NLGN4X: variants seen among roughly 807,000 people sequenced by gnomAD.
NLGN4X encodes the protein neuroligin 4 X-linked.
NLGN4X carries 3 observed loss-of-function variants against 40.3 expected under a neutral mutation model. The observed-to-expected ratio is 0.07, with a 90% CI of 0.03 to 0.19. The LOEUF (loss-of-function observed/expected upper bound fraction) is 0.19, where lower values mean the gene tolerates loss of function less well. NLGN4X is among the 10% of genes least tolerant of loss of function. The pLI, the probability that NLGN4X is intolerant of heterozygous loss-of-function variation, is 1.00. For missense variants in NLGN4X, 382 were observed against 708.3 expected, an observed-to-expected ratio of 0.54 and a Z score of 5.23; for synonymous variants, 270 against 306.8, an observed-to-expected ratio of 0.88 and a Z score of 1.25.
At chrX:6,170,723 G>A (rs147497791) in intron 1 of NLGN4X, among the ~76,000 whole-genome samples, 1 of 111,937 alleles carries the variant, frequency 8.9e-6, no homozygotes, top group African/African-American at 3.2e-5. Flanking sequence ...TATGCTCTAT[G>A]ATATTTCTAA....
intron 3 of NLGN4X, among the ~76,000 whole-genome samples, chrX:5,959,943 T>C (rs1882259): frequency 0.3 from 33,470 of 110,181 alleles, 4,592 homozygotes; most frequent in Middle Eastern, 0.57. Context: ...CCTGAGTTAA[T>C]TGGCACTGTA....
chrX:5,955,006 T>C (rs1030313267), intron 3 of NLGN4X, among the ~76,000 whole-genome samples: 118 of 112,135 alleles, frequency 1.1e-3, no homozygotes, highest in African/African-American at 3.5e-3. Context: ...CTCTTGAAAT[T>C]GATGAAAGTG....
At chrX:6,095,205 G>A in intron 2 of NLGN4X, among the ~76,000 whole-genome samples, 1 of 108,075 alleles carries the variant, frequency 9.3e-6, no homozygotes, top group African/African-American at 3.4e-5. Flanking sequence ...CCAGCTTTGG[G>A]TAGACTCTAC....
At chrX:5,970,765 T>G (rs867742147) in intron 3 of NLGN4X, among the ~76,000 whole-genome samples, 4 of 112,077 alleles carry the variant, frequency 3.6e-5, no homozygotes, top group Admixed American at 9.5e-5. Context: ...GATACAGTGT[T>G]GTACCAATCA....
intron 1 of NLGN4X, among the ~76,000 whole-genome samples, chrX:6,211,751 G>A (rs986221587): frequency 4.5e-5 from 5 of 111,912 alleles, no homozygotes; most frequent in African/African-American, 9.7e-5. Context: ...AGGTAAACAC[G>A]TAGATGTAGA....
At chrX:6,018,164 A>G (rs753352319) in intron 3 of NLGN4X, among the ~76,000 whole-genome samples, 1 of 107,708 alleles carries the variant, frequency 9.3e-6, no homozygotes, top group Non-Finnish European at 1.9e-5. Context: ...GTATGTACAC[A>G]TATATGTATG....
At chrX:6,178,456 T>C (rs1183524520) in intron 1 of NLGN4X, among the ~76,000 whole-genome samples, 3 of 111,714 alleles carry the variant, frequency 2.7e-5, no homozygotes, top group African/African-American at 9.8e-5. Flanking sequence ...TTGTAATCAG[T>C]GGACAAGGCA....
chrX:5,985,754 G>T (rs1000683895), intron 3 of NLGN4X, among the ~76,000 whole-genome samples: 2 of 111,865 alleles, frequency 1.8e-5, no homozygotes, highest in Admixed American at 1.9e-4. Flanking sequence ...ACGCTATGTA[G>T]AAAAGACTCA....
intron 3 of NLGN4X, among the ~76,000 whole-genome samples, chrX:5,939,441 C>T (rs2033845453): frequency 9.0e-6 from 1 of 111,014 alleles, no homozygotes; most frequent in African/African-American, 3.3e-5. Context: ...AGGGTTAATG[C>T]TAATGTGCAC....
chrX:5,914,311 C>T (rs1338973544), intron 3 of NLGN4X, among the ~76,000 whole-genome samples: 1 of 111,789 alleles, frequency 8.9e-6, no homozygotes, highest in Non-Finnish European at 1.9e-5. Context: ...TTTTGAATTA[C>T]ATCACAGGGC....
intron 1 of NLGN4X, among the ~76,000 whole-genome samples, chrX:6,171,559 T>C (rs896978407): frequency 6.3e-5 from 7 of 111,988 alleles, no homozygotes; most frequent in African/African-American, 2.3e-4. Flanking sequence ...CAAGAAAGGG[T>C]GCACAAAAGG....
At chrX:6,148,828 G>A (rs1322881705) in intron 2 of NLGN4X, among the ~76,000 whole-genome samples, 4 of 111,631 alleles carry the variant, frequency 3.6e-5, no homozygotes, top group Non-Finnish European at 7.5e-5. Flanking sequence ...CTGGTTCTTC[G>A]TTGATAGAGT....
At chrX:5,928,822 G>A (rs1221640009) in intron 3 of NLGN4X, among the ~76,000 whole-genome samples, 1 of 108,058 alleles carries the variant, frequency 9.3e-6, no homozygotes, top group Non-Finnish European at 1.9e-5. Context: ...CTGTCATACA[G>A]TTATAGAAAG....
At chrX:6,064,925 A>G (rs1415103874) in intron 2 of NLGN4X, among the ~76,000 whole-genome samples, 1 of 111,484 alleles carries the variant, frequency 9.0e-6, no homozygotes, top group African/African-American at 3.3e-5. Context: ...ATGGAATACT[A>G]TATAGCCATA....
chrX:6,054,691 T>A (rs770998787), intron 2 of NLGN4X, among the ~76,000 whole-genome samples: 1 of 111,088 alleles, frequency 9.0e-6, no homozygotes, highest in Non-Finnish European at 1.9e-5. Context: ...GTTTTTTGCT[T>A]GTTTTGCCCA....
At chrX:5,979,810 A>G (rs372977901) in intron 3 of NLGN4X, among the ~76,000 whole-genome samples, 1 of 103,267 alleles carries the variant, frequency 9.7e-6, no homozygotes, top group African/African-American at 3.7e-5. Context: ...ATACATATAT[A>G]TGTGTATATA....
At chrX:5,901,419 T>C (rs868774406) in intron 5 of NLGN4X, among the ~76,000 whole-genome samples, 5 of 111,576 alleles carry the variant, frequency 4.5e-5, no homozygotes, top group Middle Eastern at 9.2e-3. Context: ...CACACACTGG[T>C]AGAACAGAAT....
chrX:6,225,011 T>TATATATATATATAC (rs1461463258), intron 1 of NLGN4X, among the ~76,000 whole-genome samples: 5 of 49,537 alleles, frequency 1.0e-4, no homozygotes, highest in African/African-American at 3.7e-4. Flanking sequence ...TATATATATA[T>TATATATATATATAC]ACACACACAC....
intron 2 of NLGN4X, among the ~76,000 whole-genome samples, chrX:6,041,240 C>G (rs2037148776): frequency 8.9e-6 from 1 of 111,776 alleles, no homozygotes; most frequent in Admixed American, 9.5e-5. Flanking sequence ...TGACTCTAGA[C>G]TGAAGAGCCT....
Sources: allele counts gnomAD v4.1 joint callset (sites outside exome capture counted in the v4.1 genomes callset), GRCh38; gene constraint gnomAD v4.1.1; transcripts MANE v1.5; gene names NCBI Gene and HGNC (gene_info 2026-07-23, HGNC 2026-07-21).